Variants in LRRC49 observed in about 807,000 individuals in gnomAD.
LRRC49 encodes the protein leucine-rich repeat-containing protein 49.
In LRRC49, 50 loss-of-function variants were observed where a neutral mutation model predicts 83.3. That is an observed-to-expected ratio of 0.60 (90% CI 0.48 to 0.76). LRRC49 has a LOEUF of 0.76. Among genes scored for constraint, LRRC49 ranks in the 30% least tolerant of loss-of-function variants. The pLI is 0.00. For missense variants in LRRC49, 704 were observed against 809.1 expected, an observed-to-expected ratio of 0.87 and a Z score of 1.58; for synonymous variants, 286 against 283.3, an observed-to-expected ratio of 1.01 and a Z score of -0.10.
chr15:71,000,547 A>T (rs1397320685), intron 11 of LRRC49, among the ~76,000 whole-genome samples: 1 of 152,172 alleles, frequency 6.6e-6, no homozygotes, highest in Admixed American at 6.5e-5. Flanking sequence ...CATAGCATCA[A>T]ATTCAAATGG....
chr15:70,944,668 G>A (rs747098327), intron 8 of LRRC49, among the ~76,000 whole-genome samples: 1 of 152,094 alleles, frequency 6.6e-6, no homozygotes, highest in African/African-American at 2.4e-5. Flanking sequence ...GCCTCCCAAC[G>A]TGCTGTGATT....
intron 14 of LRRC49, among the ~76,000 whole-genome samples, chr15:71,029,436 CCAGTT>C (rs1342975875): frequency 6.6e-6 from 1 of 152,120 alleles, no homozygotes; most frequent in African/African-American, 2.4e-5. Flanking sequence ...TGTTTTGCTT[CCAGTT>C]ATGTGGTCAA....
chr15:70,875,599 T>A (rs951475084), intron 2 of LRRC49, among the ~76,000 whole-genome samples: 1 of 152,214 alleles, frequency 6.6e-6, no homozygotes, highest in African/African-American at 2.4e-5. Flanking sequence ...CAATATCCTT[T>A]CCTGCCTCTA....
At chr15:70,983,613 A>G (rs1249608819) in intron 10 of LRRC49, among the ~76,000 whole-genome samples, 2 of 152,128 alleles carry the variant, frequency 1.3e-5, no homozygotes, top group Admixed American at 1.3e-4. Flanking sequence ...AACTTGGAAC[A>G]TTGATCAACT....
intron 5 of LRRC49, among the ~76,000 whole-genome samples, 166 bp from the exon 6 acceptor site, chr15:70,911,366 A>T (rs74021907): frequency 0.014 from 2,077 of 152,204 alleles, 55 homozygotes; most frequent in African/African-American, 0.048. Flanking sequence ...CATTTTTTTT[A>T]AATTATAATA....
At chr15:70,988,851 G>A (rs2037743644) in intron 11 of LRRC49, among the ~76,000 whole-genome samples, 4 of 152,012 alleles carry the variant, frequency 2.6e-5, no homozygotes, top group Admixed American at 1.3e-4. Context: ...AAATCTCTCA[G>A]CATTTGCTTG....
chr15:70,935,965 C>G (rs1226840437), intron 7 of LRRC49, among the ~76,000 whole-genome samples: 1 of 151,966 alleles, frequency 6.6e-6, no homozygotes, highest in Non-Finnish European at 1.5e-5. Flanking sequence ...TTCTGTTACT[C>G]CATTATATAT....
At chr15:70,932,450 A>G (rs558889914) in intron 7 of LRRC49, among the ~76,000 whole-genome samples, 3 of 152,178 alleles carry the variant, frequency 2.0e-5, no homozygotes, top group Non-Finnish European at 4.4e-5. Context: ...ACAGCTCTCA[A>G]AGTTAGAATA....
At chr15:70,984,459 C>A in intron 11 of LRRC49, 1 of 431,814 alleles carries the variant, frequency 2.3e-6, no homozygotes, top group Non-Finnish European at 4.0e-6. Flanking sequence ...TAGGGCATTT[C>A]ATATTTTTTA....
chr15:70,980,346 T>C (rs1463465387), intron 10 of LRRC49, among the ~76,000 whole-genome samples, 162 bp downstream of exon 10: 10 of 152,184 alleles, frequency 6.6e-5, no homozygotes, highest in Admixed American at 6.6e-4. Flanking sequence ...AGTTATTACC[T>C]ATAAATAAAC....
chr15:71,015,172 G>T (rs2038785057), intron 14 of LRRC49, among the ~76,000 whole-genome samples: 1 of 152,076 alleles, frequency 6.6e-6, no homozygotes. Context: ...AAATACAAAT[G>T]CCTTTAAACT....
At chr15:70,919,801 C>T (rs1166367153) in intron 7 of LRRC49, among the ~76,000 whole-genome samples, 1 of 151,956 alleles carries the variant, frequency 6.6e-6, no homozygotes, top group African/African-American at 2.4e-5. Context: ...GGTTTATTGA[C>T]TCTGAAAAAA....
At chr15:70,984,769 TCCCTCCC>T (rs2037537800) in intron 11 of LRRC49, among the ~76,000 whole-genome samples, 1 of 115,366 alleles carries the variant, frequency 8.7e-6, no homozygotes, top group Non-Finnish European at 1.8e-5. Flanking sequence ...CCTAAAGCTA[TCCCTCCC>T]CCCTCCCCCC....
At chr15:70,892,584 T>C, upstream of LRRC49, 1 of 1,474,464 alleles carries the variant, frequency 6.8e-7, no homozygotes, top group South Asian at 1.3e-5. Context: ...GAAGTGGTGG[T>C]GGTTATAGCA....
At chr15:70,867,330 A>G (rs1489722750) in intron 1 of LRRC49, among the ~76,000 whole-genome samples, 1 of 152,186 alleles carries the variant, frequency 6.6e-6, no homozygotes, top group African/African-American at 2.4e-5. Context: ...GAAATGCATG[A>G]TGAGATTTGT....
At chr15:70,955,342 G>A (rs1265310576) in intron 8 of LRRC49, among the ~76,000 whole-genome samples, 1 of 152,176 alleles carries the variant, frequency 6.6e-6, no homozygotes, top group Non-Finnish European at 1.5e-5. Flanking sequence ...GGATGTTAAA[G>A]CCCCTGAAGA....
intron 5 of LRRC49, among the ~76,000 whole-genome samples, chr15:70,909,839 A>AACACACACACACACACAC (rs146189261): frequency 0.02 from 2,723 of 136,052 alleles, 53 homozygotes; most frequent in Admixed American, 0.038. Context: ...CTCCATCTCA[A>AACACACACACACACACAC]ACACACACAC....
chr15:71,007,750 A>G (rs927948177), intron 11 of LRRC49, among the ~76,000 whole-genome samples: 51 of 145,108 alleles, frequency 3.5e-4, no homozygotes, highest in African/African-American at 1.3e-3. Flanking sequence ...TAGTGTGTAT[A>G]TATAATATAA....
chr15:70,941,745 A>C (rs1333759118), intron 8 of LRRC49, among the ~76,000 whole-genome samples: 1 of 152,178 alleles, frequency 6.6e-6, no homozygotes, highest in East Asian at 1.9e-4. Flanking sequence ...AAATACATAC[A>C]GATACTCTCA....
Sources: gnomAD v4.1 joint callset for allele counts (sites outside exome capture counted in the v4.1 genomes callset) on GRCh38, gnomAD v4.1.1 for gene constraint, MANE v1.5 for transcripts, NCBI Gene and HGNC (gene_info 2026-07-23, HGNC 2026-07-21) for gene names.